The following GPX6 variants were observed in gnomAD, a reference collection of about 807,000 sequenced individuals.
GPX6 encodes the protein glutathione peroxidase 6, also known as glutathione peroxidase 6 (olfactory).
GPX6 carries 21 observed loss-of-function variants against 20.0 expected under a neutral mutation model. The observed-to-expected ratio is 1.05, with a 90% CI of 0.74 to 1.51. The LOEUF is 1.51. Among genes scored for constraint, GPX6 ranks in the 40% most tolerant of loss-of-function variants. The pLI, the probability that GPX6 is intolerant of heterozygous loss-of-function variation, is 0.00. For missense variants in GPX6, 233 were observed against 254.7 expected (o/e 0.91, Z 0.58); for synonymous variants, 75 against 98.0 (o/e 0.77, Z 1.38).
intron 1 of GPX6, among the ~76,000 whole-genome samples, chr6:28,512,067 C>T (rs1238857599): frequency 1.3e-5 from 2 of 152,244 alleles, no homozygotes; most frequent in Non-Finnish European, 2.9e-5. Flanking sequence ...GCCTGAGCCT[C>T]CTCCCGCTCC....
At chr6:28,510,382 G>A (rs757744729) in intron 2 of GPX6, among the ~76,000 whole-genome samples, 6 of 152,080 alleles carry the variant, frequency 3.9e-5, no homozygotes, top group Admixed American at 3.3e-4. Context: ...CCTTGAACTC[G>A]TCTCCAAATC....
chr6:28,507,398 G>A (rs1762817346), intron 2 of GPX6, among the ~76,000 whole-genome samples: 1 of 152,178 alleles, frequency 6.6e-6, no homozygotes, highest in Non-Finnish European at 1.5e-5. Flanking sequence ...ACACTTAACA[G>A]ACCTTGATTC....
At chr6:28,510,017 G>T (rs1581838975) in intron 2 of GPX6, among the ~76,000 whole-genome samples, 1 of 152,326 alleles carries the variant, frequency 6.6e-6, no homozygotes, top group Middle Eastern at 3.4e-3. Context: ...TGAAAGCCAG[G>T]TATCTGGCCT....
chr6:28,511,851 G>A (rs1762882847), intron 1 of GPX6, among the ~76,000 whole-genome samples: 1 of 152,256 alleles, frequency 6.6e-6, no homozygotes, highest in Non-Finnish European at 1.5e-5. Context: ...GAGAGGCGCT[G>A]GAGGGAACCA....
At chr6:28,511,634 G>A (rs943833757) in intron 1 of GPX6, among the ~76,000 whole-genome samples, 4 of 152,294 alleles carry the variant, frequency 2.6e-5, no homozygotes, top group South Asian at 4.1e-4. Context: ...CTGGCTGGAC[G>A]TGGAGAGCAA....
chr6:28,509,579 T>C (rs1762840496), intron 2 of GPX6, among the ~76,000 whole-genome samples: 1 of 152,224 alleles, frequency 6.6e-6, no homozygotes, highest in African/African-American at 2.4e-5. Context: ...CACTTCTCTG[T>C]GGCATTTGGT....
chr6:28,515,694 C>A lies in GPX6; in HGVS notation c.50G>T (p.Gly17Val). ...ASCLVLFFLV[G>V]FAQQTLKPQN... ...AGGCTTTAGGGTCTGCTGAGCAAAG[C>A]CAACCAGGAAAAACAGGACAAGACA... Residue 17 changes from glycine to valine, a missense_variant, in exon 1 of 5, where the codon GGC (glycine) becomes GTC (valine). By Grantham distance (109) the Gly-to-Val change is moderately radical. Coordinates refer to ENST00000361902, the MANE Select transcript of GPX6 (RefSeq NM_182701.1). 6.2e-7 allele frequency: 1 copy of A among 1,614,032 alleles called. No homozygotes were observed. The highest frequency in any genetic ancestry group is 8.5e-7 in the Non-Finnish European group (1 of 1,179,954).
chr6:28,507,149 C>T (rs1262185249), intron 2 of GPX6, among the ~76,000 whole-genome samples: 1 of 152,226 alleles, frequency 6.6e-6, no homozygotes, highest in South Asian at 2.1e-4. Flanking sequence ...TCCAGCTTGT[C>T]TGTTTAGACT....
In GPX6 at chr6:28,510,907, G is replaced by T; in HGVS notation, c.88-3C>A. 1.3e-6 allele frequency: 2 copies of T among 1,589,616 alleles called. No individual in the cohort carries two copies. The highest frequency in any genetic ancestry group is 1.1e-5 in the South Asian group (1 of 87,068). On this transcript the variant is annotated splice_region_variant and splice_polypyrimidine_tract_variant and intron_variant, in intron 1 of 4. Coordinates refer to ENST00000361902, the MANE Select transcript of GPX6 (RefSeq NM_182701.1). ...GTTACCCCTTTGTTGCAATCCACCT[G>T]GAATTTTACAAAAATAACCATAACG...
At chr6:28,515,365 A>G (rs1763005494) in intron 1 of GPX6, among the ~76,000 whole-genome samples, 2 of 152,276 alleles carry the variant, frequency 1.3e-5, no homozygotes, top group South Asian at 4.1e-4. Context: ...CTAGGCTATC[A>G]AGGGGCCACC....
intron 1 of GPX6, among the ~76,000 whole-genome samples, chr6:28,512,216 G>A (rs961168616): frequency 6.6e-6 from 1 of 152,274 alleles, no homozygotes; most frequent in African/African-American, 2.4e-5. Context: ...TGCGGCCGTG[G>A]TGCGGCATCC....
intron 2 of GPX6, among the ~76,000 whole-genome samples, chr6:28,509,461 G>A (rs1762839217): frequency 6.6e-6 from 1 of 152,048 alleles, no homozygotes; most frequent in Non-Finnish European, 1.5e-5. Context: ...TTGAACCTAG[G>A]AGGCAGAGGT....
chr6:28,505,677 T>C (rs1474575207), intron 4 of GPX6, 26 bp downstream of exon 4: 35 of 1,569,436 alleles, frequency 2.2e-5, no homozygotes, highest in Non-Finnish European at 3.0e-5. Context: ...AGCTAACCCA[T>C]CCATGCCAGG....
At chr6:28,513,253 T>C (rs888969171) in intron 1 of GPX6, among the ~76,000 whole-genome samples, 2 of 148,930 alleles carry the variant, frequency 1.3e-5, no homozygotes, top group African/African-American at 4.9e-5. Context: ...CCTCTGTCTT[T>C]GTGATAAGGC....
chr6:28,511,693 T>C (rs1159416657), intron 1 of GPX6, among the ~76,000 whole-genome samples: 1 of 152,240 alleles, frequency 6.6e-6, no homozygotes, highest in Non-Finnish European at 1.5e-5. Flanking sequence ...CCTCACAGCC[T>C]TTGCTCGCTC....
At position 28,504,214 on chromosome 6, in the gene GPX6, G is replaced by T; in HGVS notation, c.*78C>A. 1 of 1,422,322 alleles carries T rather than the reference G, an allele frequency of 7.0e-7. No individual in the cohort carries two copies. The highest frequency in any genetic ancestry group is 2.3e-5 in the East Asian group (1 of 43,736). 88.1% of individuals were successfully genotyped at this position (1,422,322 alleles called of 1,614,324 possible). A position where few individuals can be genotyped will look rare whatever the true frequency, so the allele number is the denominator to read the frequency against. On this transcript the variant is annotated 3_prime_UTR_variant, in exon 5 of 5. Transcript: ENST00000361902. ...GTAGGCACGAGTGTGGAGCAAAGAA[G>T]GAGGAAGATGGATGCTTTGTTAGAC...
intron 2 of GPX6, 32 bp downstream of exon 2, chr6:28,510,719 G>T (rs2113601953): frequency 6.3e-7 from 1 of 1,599,894 alleles, no homozygotes; most frequent in South Asian, 1.1e-5. Context: ...TGGCAATGCT[G>T]CTTCCAAAAG....
intron 2 of GPX6, 148 bp from the exon 3 acceptor site, chr6:28,506,577 AG>A: frequency 1.8e-5 from 10 of 541,812 alleles, no homozygotes; most frequent in East Asian, 5.9e-5. Flanking sequence ...AAAGGAGTAG[AG>A]AAAAAAAAAA....
At chr6:28,505,287 G>A (rs1247964830) in intron 4 of GPX6, among the ~76,000 whole-genome samples, 1 of 152,152 alleles carries the variant, frequency 6.6e-6, no homozygotes, top group Non-Finnish European at 1.5e-5. Flanking sequence ...ACCCTCGGGG[G>A]TCCTTCTATC....
Sources: gnomAD v4.1 joint callset for allele counts (sites outside exome capture counted in the v4.1 genomes callset) on GRCh38, gnomAD v4.1.1 for gene constraint, MANE v1.5 for transcripts, NCBI Gene and HGNC (gene_info 2026-07-23, HGNC 2026-07-21) for gene names.